The following NEBL variants were observed in gnomAD, a reference collection of about 807,000 sequenced individuals.
The protein encoded by NEBL is nebulette, also known as LIM and SH3 protein 2.
NEBL carries 122 observed loss-of-function variants against 140.2 expected under a neutral mutation model. That is an observed-to-expected ratio of 0.87 (90% CI 0.75 to 1.01). The LOEUF (loss-of-function observed/expected upper bound fraction) is 1.01, where lower values mean the gene tolerates loss of function less well. Among genes scored for constraint, NEBL ranks in the 50% least tolerant of loss-of-function variants. NEBL has a pLI of 0.00. For missense variants in NEBL, 1,365 were observed against 1,231.3 expected (o/e 1.11, Z -1.62); for synonymous variants, 436 against 398.9 (o/e 1.09, Z -1.11).
intron 3 of NEBL, among the ~76,000 whole-genome samples, chr10:21,232,965 T>G (rs1476148954): frequency 6.6e-6 from 1 of 152,166 alleles, no homozygotes; most frequent in East Asian, 1.9e-4. Context: ...AGGGTATAGT[T>G]TGAAGACAGA....
At chr10:21,002,249 A>G (rs1273670963) in intron 3 of NEBL, among the ~76,000 whole-genome samples, 1 of 152,072 alleles carries the variant, frequency 6.6e-6, no homozygotes, top group Admixed American at 6.5e-5. Context: ...AAAAAAAGTT[A>G]TTCCTAAATA....
chr10:21,029,392 A>G (rs1833684271), intron 2 of NEBL: 5 of 1,611,594 alleles, frequency 3.1e-6, no homozygotes, highest in Non-Finnish European at 4.2e-6. Context: ...TGAACCCAGC[A>G]ATCCAGAGAG....
At chr10:21,050,277 C>T (rs1834716017) in intron 2 of NEBL, among the ~76,000 whole-genome samples, 1 of 152,162 alleles carries the variant, frequency 6.6e-6, no homozygotes, top group African/African-American at 2.4e-5. Flanking sequence ...TTTCTGTTGG[C>T]AACTTTTTTT....
At chr10:20,869,549 T>A (rs1398080078) in intron 6 of NEBL, among the ~76,000 whole-genome samples, 191 bp downstream of exon 6, 1 of 152,146 alleles carries the variant, frequency 6.6e-6, no homozygotes, top group African/African-American at 2.4e-5. Flanking sequence ...CAATTTGAGT[T>A]TGGGCTGTTT....
At chr10:21,072,769 T>A (rs1258638930) in intron 2 of NEBL, among the ~76,000 whole-genome samples, 1 of 152,118 alleles carries the variant, frequency 6.6e-6, no homozygotes, top group East Asian at 1.9e-4. Context: ...GGCCGGTGGA[T>A]AACTTGAGGT....
At chr10:20,831,941 C>G (rs1029319832) in intron 14 of NEBL, among the ~76,000 whole-genome samples, 1 of 152,164 alleles carries the variant, frequency 6.6e-6, no homozygotes, top group East Asian at 1.9e-4. Context: ...GTTTTTCACT[C>G]TGTAGTGAAT....
Position 20,859,776 on chromosome 10 carries a change from A to C in NEBL, c.735T>G (p.His245Gln). The change falls in exon 8 of 28, where the codon CAT becomes CAG. Residue 245 changes from histidine to glutamine, a missense_variant. Transcript: ENST00000377122. ...FDNEMKDKKH[H>Q]YNPLESASFR... ...AAGAAGCACTTTCAAGAGGATTGTAATGATGTTTCTTATCCTTCATTTCAT... is the reference window on the plus strand; with the variant it reads ...AAGAAGCACTTTCAAGAGGATTGTACTGATGTTTCTTATCCTTCATTTCAT... The C allele has an allele frequency of 6.2e-7, 1 of 1,602,712 alleles. No individual in the cohort carries two copies. The highest frequency in any genetic ancestry group is 8.5e-7 in the Non-Finnish European group (1 of 1,170,766).
At chr10:20,942,883 A>T (rs1372697701) in intron 4 of NEBL, among the ~76,000 whole-genome samples, 1 of 152,248 alleles carries the variant, frequency 6.6e-6, no homozygotes, top group Non-Finnish European at 1.5e-5. Flanking sequence ...TCAAAACCAC[A>T]ATGAGATACC....
chr10:21,033,063 G>A (rs977131001), intron 2 of NEBL, among the ~76,000 whole-genome samples: 1 of 152,162 alleles, frequency 6.6e-6, no homozygotes, highest in Admixed American at 6.5e-5. Flanking sequence ...GCTAGTGGAA[G>A]AGAGTCTATT....
intron 8 of NEBL, among the ~76,000 whole-genome samples, 181 bp from the exon 9 acceptor site, chr10:20,858,525 A>C (rs1429554482): frequency 6.6e-6 from 1 of 152,230 alleles, no homozygotes; most frequent in Non-Finnish European, 1.5e-5. Context: ...AGTTATTTCT[A>C]TATGGGCTTG....
chr10:21,049,939 T>C (rs999567474), intron 2 of NEBL, among the ~76,000 whole-genome samples: 13 of 152,296 alleles, frequency 8.5e-5, no homozygotes, highest in Admixed American at 2.6e-4. Flanking sequence ...GAATACCTCA[T>C]TGATGAGGAG....
At chr10:20,913,500 T>A (rs1304330443) in intron 4 of NEBL, among the ~76,000 whole-genome samples, 2 of 152,186 alleles carry the variant, frequency 1.3e-5, no homozygotes, top group African/African-American at 4.8e-5. Flanking sequence ...ATATTTATTA[T>A]CTGCATTAAG....
chr10:21,219,725 A>G (rs532715136), intron 3 of NEBL, among the ~76,000 whole-genome samples: 159 of 152,206 alleles, frequency 1.0e-3, no homozygotes, highest in African/African-American at 3.6e-3. Flanking sequence ...TGAACATAGG[A>G]TGTTTTTTCA....
chr10:20,819,576 T>G (rs71578950), intron 19 of NEBL, 60 bp from the exon 20 acceptor site: 5 of 1,590,856 alleles, frequency 3.1e-6, no homozygotes, highest in African/African-American at 1.3e-5. Flanking sequence ...CCCAAAACAT[T>G]GCAACAGATT....
chr10:21,060,201 A>G (rs1187857608), intron 2 of NEBL, among the ~76,000 whole-genome samples: 1 of 152,236 alleles, frequency 6.6e-6, no homozygotes, highest in African/African-American at 2.4e-5. Context: ...TAAGCCTCTC[A>G]GTGTAAAGCA....
At chr10:20,817,787 C>T in intron 20 of NEBL, 95 bp from the exon 21 acceptor site, 1 of 1,036,762 alleles carries the variant, frequency 9.6e-7, no homozygotes, top group Non-Finnish European at 1.5e-6. Context: ...CATCTTTTTA[C>T]ACATTTTTTT....
At chr10:21,277,617 T>TA (rs1161264051) in intron 1 of NEBL, among the ~76,000 whole-genome samples, 1 of 152,204 alleles carries the variant, frequency 6.6e-6, no homozygotes, top group Non-Finnish European at 1.5e-5. Flanking sequence ...AACATACAGT[T>TA]AGTCATTGGT....
rs1037740653 is a variant in NEBL at position 21,047,550 on chromosome 10, A to AT, written c.165-27350dup. Reference sequence around the variant, plus strand: ...TGAAGCTTTTTTTAAAAAAAAAAAGATTTTTTTTAACACACACTCTACTTT... The same window carrying AT: ...TGAAGCTTTTTTTAAAAAAAAAAAGATTTTTTTTTAACACACACTCTACTTT... On this transcript the variant is annotated intron_variant, in intron 2 of 6. Transcript: ENST00000417816. Among the ~76,000 whole-genome samples the AT allele has an allele frequency of 8.0e-4, 122 of 151,866 alleles. 1 individual carries two copies. Among genetic ancestry groups the AT allele is most frequent in the African/African-American group, 2.7e-3 (113 of 41,470 alleles).
chr10:21,215,696 T>G (rs1280184788), intron 3 of NEBL, among the ~76,000 whole-genome samples: 5 of 152,228 alleles, frequency 3.3e-5, no homozygotes, highest in African/African-American at 1.2e-4. Flanking sequence ...GGTCTTACTC[T>G]GTCATCCAGT....
Sources: gnomAD v4.1 joint callset for allele counts (sites outside exome capture counted in the v4.1 genomes callset) on GRCh38, gnomAD v4.1.1 for gene constraint, MANE v1.5 for transcripts, NCBI Gene and HGNC (gene_info 2026-07-23, HGNC 2026-07-21) for gene names.